Variants in FAM131C observed in about 807,000 individuals in gnomAD.
FAM131C encodes protein FAM131C.
FAM131C carries 14 observed loss-of-function variants against 29.8 expected under a neutral mutation model. The ratio of observed to expected loss-of-function variants is 0.47; its 90% CI spans 0.31 to 0.73. FAM131C has a LOEUF of 0.73. Among genes scored for constraint, FAM131C ranks in the 30% least tolerant of loss-of-function variants. The pLI, the probability that FAM131C is intolerant of heterozygous loss-of-function variation, is 0.05. For synonymous variants in FAM131C, 86 were observed against 157.8 expected (o/e 0.54, Z 3.41); for missense variants, 252 against 383.8 (o/e 0.66, Z 2.87).
At chr1:16,070,725 T>C (rs1362140564) in intron 1 of FAM131C, among the ~76,000 whole-genome samples, 1 of 152,170 alleles carries the variant, frequency 6.6e-6, no homozygotes, top group African/African-American at 2.4e-5. Context: ...CTGAATGCCT[T>C]ACATGAATTA....
chr1:16,063,495 C>T, intron 2 of FAM131C, 26 bp downstream of exon 2: 1 of 1,563,352 alleles, frequency 6.4e-7, no homozygotes, highest in Non-Finnish European at 8.8e-7. Flanking sequence ...GCGCAGGTAG[C>T]ACAGGGATGA....
chr1:16,059,548 C>G lies in FAM131C; in HGVS notation c.508G>C (p.Asp170His), dbSNP rs201381067. The change falls in exon 6 of 7, where the codon GAC (aspartate) becomes CAC (histidine). Residue 170 changes from aspartate (D) to histidine (H), a missense_variant. Asp to His is a moderately conservative substitution (Grantham distance 81). Coordinates refer to ENST00000375662, the MANE Select transcript of FAM131C (RefSeq NM_182623.3). ...EATLSAWSSL[D>H]EEELHPENSP... ...TTCTCGGGGTGCAGCTCCTCTTCGT[C>G]CAGCGAGGACCAAGCGCTCAGTGTG... The G allele has an allele frequency of 0.01, 16,401 of 1,606,858 alleles. 307 individuals are homozygous for G. Among genetic ancestry groups the G allele is most frequent in the South Asian group, 0.048 (4,332 of 89,976 alleles).
At chr1:16,066,829 A>T (rs1407038515) in intron 1 of FAM131C, among the ~76,000 whole-genome samples, 2 of 152,220 alleles carry the variant, frequency 1.3e-5, no homozygotes, top group Non-Finnish European at 2.9e-5. Flanking sequence ...GCAAGTTGCC[A>T]ATCCTGAGGT....
chr1:16,072,921 C>T (rs981914084), intron 1 of FAM131C, among the ~76,000 whole-genome samples: 1 of 152,006 alleles, frequency 6.6e-6, no homozygotes, highest in Non-Finnish European at 1.5e-5. Flanking sequence ...ACCTGTGCCC[C>T]ACCATTAACC....
Position 16,063,546 on chromosome 1 carries a change from A to G in FAM131C, c.113T>C (p.Val38Ala), listed in dbSNP as rs373229537. 11 of 1,613,838 alleles carry G rather than the reference A, an allele frequency of 6.8e-6. No homozygotes were observed. The South Asian group carries it at 1.2e-4, about 18-fold the overall frequency. Residue 38 changes from valine (V) to alanine (A), a missense_variant, in exon 2 of 7, where the codon GTG becomes GCG. Physicochemically the swap from Val to Ala is moderately conservative, Grantham distance 64 (BLOSUM62 0). Coordinates refer to ENST00000375662, the MANE Select transcript of FAM131C (RefSeq NM_182623.3). The stretch of plus-strand genomic sequence containing the variant: ...CTTGCCAATGACACAGTCTGGAGCC[A>G]CGGTGGGAGTGCGGCCCGAGGGCAG... ...PDLPSGRTPT[V>A]APDCVIGKDK...
At chr1:16,069,913 C>A (rs1326661305) in intron 1 of FAM131C, among the ~76,000 whole-genome samples, 2 of 152,076 alleles carry the variant, frequency 1.3e-5, no homozygotes, top group Non-Finnish European at 2.9e-5. Context: ...CAGCACACAC[C>A]ACCACAGCTA....
At chr1:16,068,540 C>T (rs906553212) in intron 1 of FAM131C, among the ~76,000 whole-genome samples, 4 of 152,230 alleles carry the variant, frequency 2.6e-5, no homozygotes, top group Non-Finnish European at 5.9e-5. Flanking sequence ...GGCCGCTCTG[C>T]CTGTTGAGTC....
chr1:16,060,280 C>T lies in FAM131C; in HGVS notation c.269-229G>A, dbSNP rs2023576364. Among the ~76,000 whole-genome samples the T allele has an allele frequency of 1.7e-5, 2 of 120,950 alleles. 1 individual carries two copies. Among genetic ancestry groups the T allele is most frequent in the Non-Finnish European group, 3.8e-5 (2 of 52,246 alleles). 79.3% of individuals were successfully genotyped at this position (120,950 alleles called of 152,430 possible). On this transcript the variant is annotated intron_variant, in intron 4 of 6. Coordinates refer to ENST00000375662, the MANE Select transcript of FAM131C (RefSeq NM_182623.3). ...CTGAGCCCTCCGAGCTCTGTGGCCC[C>T]CTTCCCTTAATGCCCCCACCCACTG... is the stretch of plus-strand genomic sequence containing the variant.
At chr1:16,064,938 C>A (rs1429441112) in intron 1 of FAM131C, among the ~76,000 whole-genome samples, 4 of 152,230 alleles carry the variant, frequency 2.6e-5, no homozygotes, top group African/African-American at 9.6e-5. Flanking sequence ...GGCCTCTGGC[C>A]TCTCTGGCTG....
intron 1 of FAM131C, among the ~76,000 whole-genome samples, chr1:16,069,388 C>T (rs1485563089): frequency 6.6e-6 from 1 of 152,210 alleles, no homozygotes; most frequent in Non-Finnish European, 1.5e-5. Flanking sequence ...CTATGGGTGG[C>T]TCTGGTCGGC....
At chr1:16,072,556 C>T (rs943094634) in intron 1 of FAM131C, among the ~76,000 whole-genome samples, 1 of 152,098 alleles carries the variant, frequency 6.6e-6, no homozygotes, top group African/African-American at 2.4e-5. Context: ...GGGCTCAGCC[C>T]AATCGCTTGT....
intron 1 of FAM131C, among the ~76,000 whole-genome samples, chr1:16,068,116 G>A (rs956922299): frequency 2.0e-5 from 3 of 152,242 alleles, no homozygotes; most frequent in Non-Finnish European, 4.4e-5. Context: ...CAGCCGATGC[G>A]GCCCCTCTAG....
In FAM131C at chr1:16,059,856, C is replaced by G. The variant is rs2023565912; in HGVS notation, c.451+13G>C. ...CCCCCACAGAGCCCTGGCCAGTCCC[C>G]CTCCTCGCTGACCTGCAGCAAAGCG... On this transcript the variant is annotated intron_variant, in intron 5 of 6. Transcript: ENST00000375662. 11 of 1,609,658 alleles carry G rather than the reference C, an allele frequency of 6.8e-6. No individual in the cohort carries two copies. The East Asian group carries it at 2.5e-4, about 36-fold the overall frequency.
chr1:16,061,394 T>G (rs2023590630), intron 4 of FAM131C, among the ~76,000 whole-genome samples: 1 of 152,076 alleles, frequency 6.6e-6, no homozygotes, highest in South Asian at 2.1e-4. Flanking sequence ...CCTGATGCTG[T>G]GGTGGCCACC....
chr1:16,068,263 G>A (rs984455901), intron 1 of FAM131C, among the ~76,000 whole-genome samples: 10 of 152,342 alleles, frequency 6.6e-5, no homozygotes, highest in East Asian at 5.8e-4. Context: ...CTCACTTTCC[G>A]CTGCAGGGGG....
Sources: gnomAD v4.1 joint callset for allele counts (sites outside exome capture counted in the v4.1 genomes callset) on GRCh38, gnomAD v4.1.1 for gene constraint, MANE v1.5 for transcripts, NCBI Gene and HGNC (gene_info 2026-07-23, HGNC 2026-07-21) for gene names.